The following SSBP3 variants were observed in gnomAD, a reference collection of about 807,000 sequenced individuals.
SSBP3 encodes single stranded DNA binding protein 3.
Under a neutral mutation model 69.6 loss-of-function variants are expected in SSBP3, and 5 were observed. The observed-to-expected ratio is 0.07, with a 90% CI of 0.04 to 0.15. SSBP3 has a LOEUF of 0.15. SSBP3 is among the 10% of genes least tolerant of loss of function. SSBP3 has a pLI of 1.00. For synonymous variants in SSBP3, 196 were observed against 193.4 expected (o/e 1.01, Z -0.11); for missense variants, 312 against 534.0 (o/e 0.58, Z 4.10).
intron 2 of SSBP3, 92 bp downstream of exon 2, chr1:54,404,766 G>A: frequency 9.3e-7 from 1 of 1,074,698 alleles, no homozygotes; most frequent in Non-Finnish European, 1.4e-6. Context: ...TCAAAATGGT[G>A]GCCACAGTGG....
chr1:54,390,931 G>A (rs1275386556), intron 4 of SSBP3, among the ~76,000 whole-genome samples: 2 of 152,244 alleles, frequency 1.3e-5, no homozygotes, highest in East Asian at 1.9e-4. Context: ...GTGCGCACAC[G>A]CCCGGCACCA....
At chr1:54,383,539 T>C (rs888707577) in intron 4 of SSBP3, among the ~76,000 whole-genome samples, 6 of 152,208 alleles carry the variant, frequency 3.9e-5, no homozygotes, top group African/African-American at 1.4e-4. Context: ...CACTGGAATC[T>C]TGTTTATCCT....
At chr1:54,341,221 G>A (rs548090868) in intron 4 of SSBP3, among the ~76,000 whole-genome samples, 23 of 152,248 alleles carry the variant, frequency 1.5e-4, no homozygotes, top group African/African-American at 3.9e-4. Context: ...TAGGCTCCAC[G>A]TCTTTCCACC....
At chr1:54,304,073 A>G (rs1645852654) in intron 4 of SSBP3, among the ~76,000 whole-genome samples, 1 of 152,132 alleles carries the variant, frequency 6.6e-6, no homozygotes, top group Admixed American at 6.5e-5. Context: ...AGTTTCAGAC[A>G]AGGGGAAACT....
chr1:54,361,427 GAAC>G (rs1557563801), intron 4 of SSBP3, among the ~76,000 whole-genome samples: 1 of 152,020 alleles, frequency 6.6e-6, no homozygotes, highest in African/African-American at 2.4e-5. Context: ...GTGGAAAACC[GAAC>G]AACCCTAAAA....
chr1:54,253,671 G>A (rs1570269637), intron 7 of SSBP3, among the ~76,000 whole-genome samples: 2 of 152,212 alleles, frequency 1.3e-5, no homozygotes, highest in Non-Finnish European at 2.9e-5. Context: ...CTGGGGGTTT[G>A]TGGTTTTTAT....
intron 4 of SSBP3, among the ~76,000 whole-genome samples, chr1:54,289,398 T>C (rs1428419270): frequency 8.4e-6 from 1 of 118,414 alleles, no homozygotes. Context: ...GGGGGTGGGG[T>C]GGGGGGCTGT....
chr1:54,397,977 C>CG lies in SSBP3; in HGVS notation c.276+3883dup, dbSNP rs1011522446. 5.3e-5 allele frequency among the ~76,000 whole-genome samples: 8 copies of CG among 152,240 alleles called. 1 individual carries two copies. Among genetic ancestry groups the CG allele is most frequent in the African/African-American group, 1.9e-4 (8 of 41,550 alleles). The stretch of plus-strand genomic sequence containing the variant: ...AAGTTCATTTCTTCAGTGAACATGT[C>CG]GGGGGGCACCAACCAGCATACCCGG... On this transcript the variant is annotated intron_variant, in intron 4 of 17. Transcript: ENST00000610401.
chr1:54,337,067 G>A (rs1646519755), intron 4 of SSBP3, among the ~76,000 whole-genome samples: 1 of 152,218 alleles, frequency 6.6e-6, no homozygotes, highest in Non-Finnish European at 1.5e-5. Flanking sequence ...CAAGCAAAGT[G>A]CGCTGCCGCA....
At position 54,374,111 on chromosome 1, in the gene SSBP3, G is replaced by C. The variant is rs906451045; in HGVS notation, c.276+27750C>G. Among the ~76,000 whole-genome samples, 4 of 152,370 alleles carry C rather than the reference G, an allele frequency of 2.6e-5. No homozygotes were observed. The South Asian group carries it at 8.3e-4, about 32-fold the overall frequency. On this transcript the variant is annotated intron_variant, in intron 4 of 17. Coordinates refer to ENST00000610401, the Ensembl canonical transcript of SSBP3. ...GGGCACTGGCTGGAAGCCTGTCTTT[G>C]AGAATGGCAAAGTAGCCCAGGGCAG...
rs562987295 is a variant in SSBP3, at chr1:54,406,168, C to A, written c.-160G>T. The A allele has an allele frequency of 2.7e-4, 142 of 518,676 alleles. 2 individuals carry two copies. In the South Asian group the frequency reaches 3.9e-3, roughly 14 times the overall value. 32.1% of individuals were successfully genotyped at this position (518,676 alleles called of 1,614,324 possible). On this transcript the variant is annotated 5_prime_UTR_variant, in exon 1 of 18. Transcript: ENST00000610401. ...CCTCGCCGCGCTCCCCTCCCTCCCCCCCAGGCGCTGGCTCCGCGCTCTTTC... is the reference window on the plus strand; with the variant it reads ...CCTCGCCGCGCTCCCCTCCCTCCCCACCAGGCGCTGGCTCCGCGCTCTTTC...
At chr1:54,361,705 A>G (rs991907316) in intron 4 of SSBP3, among the ~76,000 whole-genome samples, 2 of 152,056 alleles carry the variant, frequency 1.3e-5, no homozygotes, top group Non-Finnish European at 2.9e-5. Flanking sequence ...AGTGGTATCT[A>G]TCAACAGAGC....
At chr1:54,257,501 T>C (rs1570279538) in intron 6 of SSBP3, among the ~76,000 whole-genome samples, 1 of 152,090 alleles carries the variant, frequency 6.6e-6, no homozygotes, top group East Asian at 1.9e-4. Context: ...AAACCTCTGC[T>C]CTCGGTAAGG....
intron 7 of SSBP3, 94 bp downstream of exon 7, chr1:54,257,033 C>T: frequency 1.5e-6 from 2 of 1,340,338 alleles, no homozygotes; most frequent in Non-Finnish European, 2.1e-6. Flanking sequence ...CTCCACCCCT[C>T]AATCCTTTCC....
chr1:54,294,153 AAAAAAAAAAG>A (rs1199926827), intron 4 of SSBP3, among the ~76,000 whole-genome samples: 139 of 101,706 alleles, frequency 1.4e-3, no homozygotes, highest in African/African-American at 4.5e-3. Flanking sequence ...AAAAAAAAAA[AAAAAAAAAAG>A]AAAGAAAGAA....
At chr1:54,326,655 C>T (rs1406607398) in intron 4 of SSBP3, among the ~76,000 whole-genome samples, 1 of 152,176 alleles carries the variant, frequency 6.6e-6, no homozygotes, top group Non-Finnish European at 1.5e-5. Context: ...CCAGAGCATT[C>T]TGACTCTAAT....
chr1:54,276,618 A>AAAAAAG (rs1645293221), intron 5 of SSBP3, among the ~76,000 whole-genome samples: 1 of 150,196 alleles, frequency 6.7e-6, no homozygotes, highest in Non-Finnish European at 1.5e-5. Context: ...CAAAAAAAAA[A>AAAAAAG]AAAAAAAAAA....
intron 5 of SSBP3, among the ~76,000 whole-genome samples, chr1:54,260,534 C>A (rs955412084): frequency 6.6e-6 from 1 of 152,256 alleles, no homozygotes; most frequent in African/African-American, 2.4e-5. Context: ...CAACCGGGGT[C>A]TGCTGAGATC....
chr1:54,288,912 C>A (rs1213889047), intron 4 of SSBP3, among the ~76,000 whole-genome samples: 1 of 150,408 alleles, frequency 6.6e-6, no homozygotes, highest in Admixed American at 6.7e-5. Flanking sequence ...GCCAGCTACT[C>A]AGGAGGCTGA....
Sources: gnomAD v4.1 joint callset for allele counts (sites outside exome capture counted in the v4.1 genomes callset) on GRCh38, gnomAD v4.1.1 for gene constraint, MANE v1.5 for transcripts, NCBI Gene and HGNC (gene_info 2026-07-23, HGNC 2026-07-21) for gene names.